The following LRP1B variants were observed in gnomAD, a reference collection of about 807,000 sequenced individuals.
LRP1B encodes LDL receptor related protein 1B.
LRP1B carries 217 observed loss-of-function variants against 556.6 expected under a neutral mutation model. That is an observed-to-expected ratio of 0.39 (90% CI 0.35 to 0.44). The LOEUF is 0.44. Ranked by LOEUF, LRP1B falls within the 20% of genes least tolerant of loss-of-function variation. The probability of loss-of-function intolerance (pLI) is 1.00; values close to 1 mark genes in which losing one functional copy is unlikely to be tolerated. For synonymous variants in LRP1B, 2,047 were observed against 1,865.8 expected, an observed-to-expected ratio of 1.10 and a Z score of -2.50; for missense variants, 5,053 against 5,620.8, an observed-to-expected ratio of 0.90 and a Z score of 3.23.
intron 2 of LRP1B, among the ~76,000 whole-genome samples, chr2:141,768,175 GAA>G (rs1694789146): frequency 6.6e-6 from 1 of 152,092 alleles, no homozygotes; most frequent in Non-Finnish European, 1.5e-5. Context: ...CCTACATAAT[GAA>G]GAATATTAAT....
chr2:141,520,914 A>G (rs1684503825), intron 2 of LRP1B, among the ~76,000 whole-genome samples: 1 of 151,864 alleles, frequency 6.6e-6, no homozygotes, highest in Admixed American at 6.6e-5. Context: ...CCTTCATCTG[A>G]TTCCCTTGGT....
chr2:141,037,976 T>G (rs1458827836), intron 11 of LRP1B, among the ~76,000 whole-genome samples: 1 of 151,762 alleles, frequency 6.6e-6, no homozygotes. Flanking sequence ...ACAAAGAGGC[T>G]AAAGTATAAT....
Position 140,485,863 on chromosome 2 carries a change from A to G in LRP1B, c.9244-339T>C, listed in dbSNP as rs867339742. The stretch of plus-strand genomic sequence containing the variant: ...CACGCACATACACACACACACACAC[A>G]CACACACACACACACACACAAACTT... On this transcript the variant is annotated intron_variant, in intron 58 of 90. Transcript: ENST00000389484. Among the ~76,000 whole-genome samples the G allele has an allele frequency of 4.8e-3, 728 of 151,414 alleles. 7 individuals carry two copies. The highest frequency in any genetic ancestry group is 0.016 in the African/African-American group (681 of 41,368).
At chr2:141,112,931 A>G (rs560314070) in intron 7 of LRP1B, among the ~76,000 whole-genome samples, 1 of 152,204 alleles carries the variant, frequency 6.6e-6, no homozygotes. Flanking sequence ...TGTTAAGGAG[A>G]GAATTGTTAA....
At chr2:140,736,412 A>G (rs1372279096) in intron 35 of LRP1B, among the ~76,000 whole-genome samples, 2 of 152,176 alleles carry the variant, frequency 1.3e-5, no homozygotes, top group Non-Finnish European at 2.9e-5. Context: ...AAGAGCCCGC[A>G]TTGCCAAGTC....
chr2:141,119,387 T>C (rs979867860), intron 7 of LRP1B, among the ~76,000 whole-genome samples: 5 of 151,884 alleles, frequency 3.3e-5, no homozygotes, highest in African/African-American at 4.8e-5. Context: ...GCATTCTCTT[T>C]CAAAACATTT....
At chr2:141,095,917 C>T (rs1700287018) in intron 7 of LRP1B, among the ~76,000 whole-genome samples, 1 of 152,026 alleles carries the variant, frequency 6.6e-6, no homozygotes, top group Non-Finnish European at 1.5e-5. Context: ...ACTATTTGGT[C>T]AATAAGAGAT....
chr2:140,274,887 C>T (rs906815134), intron 84 of LRP1B, among the ~76,000 whole-genome samples: 6 of 151,962 alleles, frequency 3.9e-5, no homozygotes, highest in Non-Finnish European at 7.4e-5. Context: ...GTTCCCTTAG[C>T]TTTCTTTCTA....
At chr2:141,124,261 G>A (rs1427096322) in intron 7 of LRP1B, among the ~76,000 whole-genome samples, 1 of 152,008 alleles carries the variant, frequency 6.6e-6, no homozygotes, top group East Asian at 1.9e-4. Context: ...GACTCCCAAG[G>A]CCACTGAACA....
chr2:140,598,597 A>G, intron 43 of LRP1B, 34 bp downstream of exon 43: 1 of 1,492,570 alleles, frequency 6.7e-7, no homozygotes, highest in Non-Finnish European at 9.3e-7. Context: ...ATCATTGTAT[A>G]ACTCTATAAC....
intron 7 of LRP1B, among the ~76,000 whole-genome samples, chr2:141,154,537 C>A (rs964572182): frequency 6.6e-6 from 1 of 151,814 alleles, no homozygotes; most frequent in Non-Finnish European, 1.5e-5. Flanking sequence ...TTCAAGCAAT[C>A]AGAAATTAAA....
At chr2:141,331,541 T>TTTCGTTCTTTC (rs1687657069) in intron 3 of LRP1B, among the ~76,000 whole-genome samples, 1 of 144,648 alleles carries the variant, frequency 6.9e-6, no homozygotes, top group Non-Finnish European at 1.5e-5. Context: ...TCTTTCTTTC[T>TTTCGTTCTTTC]TTCTTTCTTT....
intron 1 of LRP1B, among the ~76,000 whole-genome samples, chr2:141,894,158 T>C (rs1381258395): frequency 6.6e-6 from 1 of 152,186 alleles, no homozygotes; most frequent in African/African-American, 2.4e-5. Context: ...GCATCTTGAT[T>C]AAAGAAGCCC....
intron 29 of LRP1B, among the ~76,000 whole-genome samples, chr2:140,844,682 T>C (rs1692222455): frequency 6.6e-6 from 1 of 152,180 alleles, no homozygotes; most frequent in South Asian, 2.1e-4. Context: ...ATTTTCCAGT[T>C]CTGGGGTCTC....
intron 1 of LRP1B, among the ~76,000 whole-genome samples, chr2:141,888,085 T>TC (rs1423032894): frequency 6.6e-6 from 1 of 152,170 alleles, no homozygotes; most frequent in African/African-American, 2.4e-5. Context: ...CAAAGTGTCC[T>TC]CCTTCCATGA....
At chr2:141,832,701 T>C (rs1362968776) in intron 1 of LRP1B, among the ~76,000 whole-genome samples, 1 of 151,796 alleles carries the variant, frequency 6.6e-6, no homozygotes, top group African/African-American at 2.4e-5. Context: ...AGATATAAGT[T>C]ATACATCAGC....
intron 2 of LRP1B, among the ~76,000 whole-genome samples, chr2:141,562,093 T>C (rs1395055034): frequency 6.6e-6 from 1 of 151,910 alleles, no homozygotes; most frequent in Non-Finnish European, 1.5e-5. Flanking sequence ...AGATGTGTTA[T>C]ACACAGAAAC....
At chr2:141,172,143 T>C (rs931152551) in intron 7 of LRP1B, among the ~76,000 whole-genome samples, 2 of 152,084 alleles carry the variant, frequency 1.3e-5, no homozygotes, top group African/African-American at 4.8e-5. Context: ...CTCAATGAAA[T>C]AACTTTTATC....
intron 43 of LRP1B, among the ~76,000 whole-genome samples, chr2:140,580,124 G>A (rs1270875540): frequency 2.6e-5 from 4 of 152,068 alleles, no homozygotes; most frequent in Admixed American, 2.6e-4. Context: ...CTGATCTGGT[G>A]GTATCAATAA....
Sources: gnomAD v4.1 joint callset for allele counts (sites outside exome capture counted in the v4.1 genomes callset) on GRCh38, gnomAD v4.1.1 for gene constraint, MANE v1.5 for transcripts, NCBI Gene and HGNC (gene_info 2026-07-23, HGNC 2026-07-21) for gene names.